The following TRIM29 variants were observed in gnomAD, a reference collection of about 807,000 sequenced individuals.
TRIM29 encodes the protein tripartite motif-containing protein 29.
TRIM29 carries 52 observed loss-of-function variants against 57.3 expected under a neutral mutation model. The observed-to-expected ratio is 0.91, with a 90% CI of 0.73 to 1.14. The LOEUF is 1.14. TRIM29 is among the 50% of genes most tolerant of loss of function. The probability of loss-of-function intolerance (pLI) is 0.00; values close to 1 mark genes in which losing one functional copy is unlikely to be tolerated. For synonymous variants in TRIM29, 319 were observed against 316.9 expected, an observed-to-expected ratio of 1.01 and a Z score of -0.07; for missense variants, 753 against 774.6, an observed-to-expected ratio of 0.97 and a Z score of 0.33.
intron 6 of TRIM29, among the ~76,000 whole-genome samples, chr11:120,120,344 TACACACACACACACACACACAC>T (rs71050727): frequency 6.5e-5 from 9 of 138,148 alleles, no homozygotes; most frequent in East Asian, 2.2e-4. Context: ...CCCACACATG[TACACACACACACACACACACAC>T]ACACACACAC....
In TRIM29 at chr11:120,137,751, A is replaced by G; in HGVS notation, c.281T>C (p.Phe94Ser). The G allele has an allele frequency of 6.2e-7, 1 of 1,612,260 alleles. No homozygotes were observed. The highest frequency in any genetic ancestry group is 8.5e-7 in the Non-Finnish European group (1 of 1,179,970). The change falls in exon 1 of 9, where the codon TTC becomes TCC. Residue 94 changes from phenylalanine to serine, a missense_variant. Physicochemically the swap from Phe to Ser is radical, Grantham distance 155 (BLOSUM62 -2). Coordinates refer to ENST00000341846, the MANE Select transcript of TRIM29 (RefSeq NM_012101.4). This position sits in a 1 kb window ranked among gnomAD's most constrained non-coding sequence, Gnocchi z 6.2. ...ESGDDKNSNY[F>S]SMDSMEGKRS... Reference sequence around the variant, plus strand: ...CTTGCCTTCCATAGAGTCCATGCTGAAGTAGTTGGAGTTCTTGTCGTCCCC... The same window carrying G: ...CTTGCCTTCCATAGAGTCCATGCTGGAGTAGTTGGAGTTCTTGTCGTCCCC...
rs1367584631 is a variant in TRIM29 at position 120,128,453 on chromosome 11, T to C, written c.847A>G (p.Ile283Val). 2 of 1,612,400 alleles carry C rather than the reference T, an allele frequency of 1.2e-6. No individual in the cohort carries two copies. Among genetic ancestry groups the C allele is most frequent in the Non-Finnish European group, 1.7e-6 (2 of 1,180,020 alleles). ...TTCTCAGCTTCATCCTCAATCTCAA[T>C]GATCTTGAGCTGCAGCTGCTCCTTT... ...LQKEQLQLKIIEIEDEAEKWQ... is the reference protein window; with the variant it reads ...LQKEQLQLKIVEIEDEAEKWQ... The change falls in exon 2 of 9, where the codon ATT becomes GTT. Residue 283 changes from isoleucine (I) to valine (V), a missense_variant. Ile to Val is a conservative substitution (Grantham distance 29). Transcript: ENST00000341846.
At chr11:120,120,171 G>C (rs1429589448) in intron 6 of TRIM29, among the ~76,000 whole-genome samples, 1 of 118,640 alleles carries the variant, frequency 8.4e-6, no homozygotes, top group Admixed American at 8.0e-5. Flanking sequence ...CCTCATACTT[G>C]TGGGGGGGGT....
intron 5 of TRIM29, among the ~76,000 whole-genome samples, chr11:120,122,461 G>A (rs1863480052): frequency 6.6e-6 from 1 of 152,202 alleles, no homozygotes; most frequent in South Asian, 2.1e-4. Context: ...GGCCAAGGGG[G>A]CCAGGGTGCA....
intron 5 of TRIM29, among the ~76,000 whole-genome samples, chr11:120,122,358 G>A (rs919596983): frequency 2.0e-5 from 3 of 152,160 alleles, no homozygotes; most frequent in Admixed American, 1.3e-4. Context: ...GCCCAAGAAT[G>A]TGAGAGGCCA....
intron 3 of TRIM29, among the ~76,000 whole-genome samples, chr11:120,127,046 AC>A (rs1863605774): frequency 1.3e-5 from 2 of 152,182 alleles, no homozygotes; most frequent in Non-Finnish European, 2.9e-5. Context: ...ACTCTTTCCT[AC>A]TGAGCCCAGA....
At chr11:120,112,572 G>T (rs1863161940) in intron 8 of TRIM29, 96 bp from the exon 9 acceptor site, 2 of 1,346,764 alleles carry the variant, frequency 1.5e-6, no homozygotes, top group Non-Finnish European at 2.1e-6. Context: ...AGGCAGCAGT[G>T]ATCCAAGACC....
In TRIM29 at chr11:120,137,724, C is replaced by T. The variant is rs1355524104; in HGVS notation, c.308G>A (p.Arg103Lys). Reference sequence around the variant, plus strand: ...CAGCTGGAGCCCTGCGTACGGCGACCTCTTGCCTTCCATAGAGTCCATGCT... The same window carrying T: ...CAGCTGGAGCCCTGCGTACGGCGACTTCTTGCCTTCCATAGAGTCCATGCT... ...YFSMDSMEGKRSPYAGLQLGA... is the reference protein window; with the variant it reads ...YFSMDSMEGKKSPYAGLQLGA... The change falls in exon 1 of 9, where the codon AGG (arginine) becomes AAG (lysine). Residue 103 changes from arginine (R) to lysine (K), a missense_variant. Transcript: ENST00000341846. The surrounding 1 kb of genome is among the most constrained non-coding windows in gnomAD (Gnocchi z 6.2). The T allele has an allele frequency of 1.2e-6, 2 of 1,612,568 alleles. No individual in the cohort carries two copies. The highest frequency in any genetic ancestry group is 1.7e-6 in the Non-Finnish European group (2 of 1,180,030).
chr11:120,120,530 C>A (rs2134995406), intron 6 of TRIM29, 43 bp downstream of exon 6: 2 of 1,570,822 alleles, frequency 1.3e-6, no homozygotes, highest in East Asian at 4.5e-5. Flanking sequence ...CCTGCACAGC[C>A]CCACATGAAC....
At chr11:120,122,299 TG>T (rs1419514526) in intron 5 of TRIM29, among the ~76,000 whole-genome samples, 1 of 151,874 alleles carries the variant, frequency 6.6e-6, no homozygotes, top group Non-Finnish European at 1.5e-5. Context: ...GTCCGAGGGC[TG>T]GCACACCCAC....
chr11:120,121,865 AG>A (rs1418710502), intron 5 of TRIM29: 2 of 395,748 alleles, frequency 5.1e-6, no homozygotes, highest in Non-Finnish European at 1.0e-5. Context: ...CAGGAGGGAC[AG>A]GGCCAGGGCG....
At chr11:120,115,659 A>G in intron 7 of TRIM29, 2 of 525,952 alleles carry the variant, frequency 3.8e-6, no homozygotes, top group Middle Eastern at 4.7e-4. Context: ...GGTGGGCTGG[A>G]CCAGGCAGCA....
intron 7 of TRIM29, 60 bp downstream of exon 7, chr11:120,118,163 G>C: frequency 1.4e-6 from 2 of 1,452,034 alleles, no homozygotes; most frequent in Non-Finnish European, 1.9e-6. Flanking sequence ...GACCCAAGCA[G>C]GGCTTGGGAG....
rs1327626713 is a variant in TRIM29 at position 120,112,439 on chromosome 11, C to T, written c.1742G>A (p.Gly581Glu). 1 of 1,613,466 alleles carries T rather than the reference C, an allele frequency of 6.2e-7. No individual in the cohort carries two copies. The highest frequency in any genetic ancestry group is 1.7e-5 in the Admixed American group (1 of 59,866). ...TCATGGGGCTTCGTTGGACCCAATCCCGTTGCCTTTGTTGACGTAGAATGG... is the reference window on the plus strand; with the variant it reads ...TCATGGGGCTTCGTTGGACCCAATCTCGTTGCCTTTGTTGACGTAGAATGG... Reference protein sequence around the residue: ...YRPFYVNKGNGIGSNEAP With the variant: ...YRPFYVNKGNEIGSNEAP The change falls in exon 9 of 9, where the codon GGG (glycine) becomes GAG (glutamate). Residue 581 changes from glycine (G) to glutamate (E), a missense_variant. Transcript: ENST00000341846.
chr11:120,128,377 A>C, intron 2 of TRIM29, 23 bp downstream of exon 2: 3 of 1,608,054 alleles, frequency 1.9e-6, no homozygotes, highest in South Asian at 1.1e-5. Flanking sequence ...GGGAGCAGCA[A>C]GGTGAGCTTG....
chr11:120,112,967 G>A (rs139337586), intron 8 of TRIM29, among the ~76,000 whole-genome samples: 1 of 152,264 alleles, frequency 6.6e-6, no homozygotes, highest in African/African-American at 2.4e-5. Context: ...CTTGCCCAAG[G>A]TCACTCAGCT....
chr11:120,132,389 A>T (rs1323771854), intron 1 of TRIM29, among the ~76,000 whole-genome samples: 1 of 151,606 alleles, frequency 6.6e-6, no homozygotes, highest in Non-Finnish European at 1.5e-5. Flanking sequence ...TCTCCGCTTC[A>T]TTCCTCCCTG....
At chr11:120,131,588 C>T (rs928025856) in intron 1 of TRIM29, among the ~76,000 whole-genome samples, 3 of 151,868 alleles carry the variant, frequency 2.0e-5, no homozygotes, top group African/African-American at 7.3e-5. Context: ...GCCTTGTTCC[C>T]ACAGCATGTC....
At chr11:120,118,517 C>G (rs1863343975) in intron 6 of TRIM29, among the ~76,000 whole-genome samples, 196 bp from the exon 7 acceptor site, 3 of 152,166 alleles carry the variant, frequency 2.0e-5, no homozygotes, top group African/African-American at 7.2e-5. Flanking sequence ...AAAGCATAGT[C>G]TTGTCCCTGC....
Sources: allele counts gnomAD v4.1 joint callset (sites outside exome capture counted in the v4.1 genomes callset), GRCh38; gene constraint gnomAD v4.1.1; non-coding constraint Gnocchi (gnomAD v3.1); transcripts MANE v1.5; gene names NCBI Gene and HGNC (gene_info 2026-07-23, HGNC 2026-07-21).